Variants in DHDH observed in about 807,000 individuals in gnomAD.
DHDH encodes trans-1,2-dihydrobenzene-1,2-diol dehydrogenase.
DHDH carries 29 observed loss-of-function variants against 33.2 expected under a neutral mutation model. The observed-to-expected ratio is 0.87, with a 90% CI of 0.65 to 1.19. The LOEUF (loss-of-function observed/expected upper bound fraction) is 1.19, where lower values mean the gene tolerates loss of function less well. Ranked by LOEUF, DHDH falls within the 50% of genes most tolerant of loss-of-function variation. The pLI, the probability that DHDH is intolerant of heterozygous loss-of-function variation, is 0.00. For synonymous variants in DHDH, 201 were observed against 187.9 expected, an observed-to-expected ratio of 1.07 and a Z score of -0.57; for missense variants, 431 against 455.0, an observed-to-expected ratio of 0.95 and a Z score of 0.48.
chr19:48,938,136 C>T (rs556592487), intron 3 of DHDH, among the ~76,000 whole-genome samples: 10 of 152,122 alleles, frequency 6.6e-5, no homozygotes, highest in South Asian at 2.1e-4. Flanking sequence ...CTTGCTCTGT[C>T]GCCAGGCTGG....
chr19:48,942,391 A>T (rs1346359661), intron 4 of DHDH, 49 bp from the exon 5 acceptor site: 3 of 1,518,502 alleles, frequency 2.0e-6, no homozygotes, highest in Non-Finnish European at 2.7e-6. Context: ...GTGCAGTCTC[A>T]GAGACTCTGC....
chr19:48,933,671 T>G (rs2037732785), upstream of DHDH: 1 of 1,583,472 alleles, frequency 6.3e-7, no homozygotes, highest in Non-Finnish European at 8.7e-7. Context: ...CGTCAGGTAC[T>G]TAATTCGCGC....
chr19:48,936,290 G>A (rs2037774614), intron 3 of DHDH, 95 bp downstream of exon 3: 2 of 1,414,176 alleles, frequency 1.4e-6, no homozygotes, highest in Non-Finnish European at 1.9e-6. Flanking sequence ...CATTTGCCAG[G>A]ATGTATCTGA....
rs1266142429 is a variant in DHDH at position 48,933,813 on chromosome 19, T to G, written c.90+2T>G. 6.2e-7 allele frequency: 1 copy of G among 1,608,302 alleles called. No individual in the cohort carries two copies. The highest frequency in any genetic ancestry group is 1.3e-5 in the African/African-American group (1 of 74,914). On this transcript the variant is annotated splice_donor_variant, in intron 1 of 6. Coordinates refer to ENST00000221403, the MANE Select transcript of DHDH (RefSeq NM_014475.4). LOFTEE classifies it high-confidence loss of function. ...ACGCTGCCTCGCTCTGAGCACCAGGTCTGCCCGCCCTCCGGATTCTGGGGA... is the reference window on the plus strand; with the variant it reads ...ACGCTGCCTCGCTCTGAGCACCAGGGCTGCCCGCCCTCCGGATTCTGGGGA...
Position 48,939,589 on chromosome 19 carries a change from G to A in DHDH, c.507G>A (p.Gln169=). The A allele has an allele frequency of 6.2e-7, 1 of 1,607,734 alleles. No homozygotes were observed. Among genetic ancestry groups the A allele is most frequent in the Non-Finnish European group, 8.5e-7 (1 of 1,178,298 alleles). ...TTCCCCGGGCCGTAGACCGGGCCCA[G>A]GCTGGGGGGGCCCTGCTGGACATCG... The part of the protein sequence containing the change: ...IHVPRAVDRA[Q]AGGALLDIGI... The change falls in exon 4 of 7, where the codon CAG becomes CAA. Residue 169 remains glutamine, a synonymous_variant. Coordinates refer to ENST00000221403, the MANE Select transcript of DHDH (RefSeq NM_014475.4).
At chr19:48,937,262 C>T (rs1354985132) in intron 3 of DHDH, among the ~76,000 whole-genome samples, 12 of 152,194 alleles carry the variant, frequency 7.9e-5, no homozygotes, top group Admixed American at 5.2e-4. Flanking sequence ...TCCCCAGTGC[C>T]CTCAGGCCTG....
intron 2 of DHDH, 142 bp downstream of exon 2, chr19:48,935,253 A>C (rs972257401): frequency 8.1e-6 from 5 of 615,524 alleles, no homozygotes; most frequent in African/African-American, 1.9e-5. Context: ...GGAGAACTAT[A>C]AAACGGGCTT....
intron 3 of DHDH, 104 bp from the exon 4 acceptor site, chr19:48,939,345 A>T (rs1448170533): frequency 7.4e-7 from 1 of 1,358,264 alleles, no homozygotes; most frequent in African/African-American, 1.5e-5. Context: ...CTGGGGACTG[A>T]TGGGCTGTGT....
intron 3 of DHDH, among the ~76,000 whole-genome samples, chr19:48,936,470 G>A (rs992015116): frequency 6.6e-6 from 1 of 152,084 alleles, no homozygotes; most frequent in Non-Finnish European, 1.5e-5. Flanking sequence ...GCCGAGGCGG[G>A]CGGAGCACGG....
chr19:48,935,202 G>T, intron 2 of DHDH, 91 bp downstream of exon 2: 2 of 995,078 alleles, frequency 2.0e-6, no homozygotes, highest in Non-Finnish European at 2.8e-6. Flanking sequence ...TCCTCAGGAT[G>T]GTCCAATCCC....
chr19:48,944,374 G>A lies in DHDH; in HGVS notation c.762G>A (p.Trp254Ter), dbSNP rs760311108. 6.2e-7 allele frequency: 1 copy of A among 1,614,068 alleles called. No homozygotes were observed. Among genetic ancestry groups the A allele is most frequent in the Non-Finnish European group, 8.5e-7 (1 of 1,179,990 alleles). ...KGMVQLLNPCWCPTELVVKGE... is the reference protein window; with the variant it reads ...KGMVQLLNPC ...CCCTCCAGCTCCTCAACCCCTGCTG[G>A]TGCCCGACCGAGCTGGTGGTGAAGG... The change falls in exon 6 of 7, where the codon TGG (tryptophan) becomes TGA (stop). Residue 254 changes from tryptophan (W) to a stop codon, truncating the protein, a stop_gained. Coordinates refer to ENST00000221403, the MANE Select transcript of DHDH (RefSeq NM_014475.4). LOFTEE classifies it high-confidence loss of function.
rs1197258165 is a variant in DHDH, at chr19:48,944,223, G to A, written c.745-134G>A. On this transcript the variant is annotated intron_variant, in intron 5 of 6. Coordinates refer to ENST00000221403, the MANE Select transcript of DHDH (RefSeq NM_014475.4). ...AATGAAGGAGGGTCCAAAGCTCCCC[G>A]GGGATGGACAGGGCAAGCTCTTAGC... 29 of 1,194,846 alleles carry A rather than the reference G, an allele frequency of 2.4e-5. 1 individual carries two copies. In the South Asian group the frequency reaches 2.8e-4, roughly 12 times the overall value. 74.0% of individuals were successfully genotyped at this position (1,194,846 alleles called of 1,614,324 possible). A position where few individuals can be genotyped will look rare whatever the true frequency, so the allele number is the denominator to read the frequency against.
At chr19:48,942,620 C>G in intron 5 of DHDH, 56 bp downstream of exon 5, 1 of 1,576,412 alleles carries the variant, frequency 6.3e-7, no homozygotes, top group Non-Finnish European at 8.6e-7. Context: ...AGGAGGGGGA[C>G]AAATGGCCTC....
chr19:48,944,389 G>C lies in DHDH; in HGVS notation c.777G>C (p.Leu259=), dbSNP rs767589225. The change falls in exon 6 of 7, where the codon CTG becomes CTC. Residue 259 remains leucine (L), a synonymous_variant. Coordinates refer to ENST00000221403, the MANE Select transcript of DHDH (RefSeq NM_014475.4). Reference sequence around the variant, plus strand: ...ACCCCTGCTGGTGCCCGACCGAGCTGGTGGTGAAGGGGGAGCATAAGGAGT... The same window carrying C: ...ACCCCTGCTGGTGCCCGACCGAGCTCGTGGTGAAGGGGGAGCATAAGGAGT... The part of the protein sequence containing the change: ...LLNPCWCPTE[L]VVKGEHKEFP... 9 of 1,614,158 alleles carry C rather than the reference G, an allele frequency of 5.6e-6. No homozygotes were observed. Among genetic ancestry groups the C allele is most frequent in the Non-Finnish European group, 7.6e-6 (9 of 1,180,016 alleles).
chr19:48,939,719 A>G lies in DHDH; in HGVS notation c.619+18A>G, dbSNP rs1198257062. On this transcript the variant is annotated intron_variant, in intron 4 of 6. Transcript: ENST00000221403. ...TGAAACAGGTACCATCTATCCTGGA[A>G]TATTTCATGGTGATGGGAATGATTC... 2 of 1,574,558 alleles carry G rather than the reference A, an allele frequency of 1.3e-6. No individual in the cohort carries two copies. Among genetic ancestry groups the G allele is most frequent in the Non-Finnish European group, 1.7e-6 (2 of 1,156,530 alleles).
At chr19:48,942,670 T>C in intron 5 of DHDH, 106 bp downstream of exon 5, 1 of 1,478,888 alleles carries the variant, frequency 6.8e-7, no homozygotes, top group Non-Finnish European at 9.0e-7. Flanking sequence ...TTTCACATCA[T>C]TGCTAAAGAG....
At chr19:48,940,836 A>G (rs1342132677) in intron 4 of DHDH, among the ~76,000 whole-genome samples, 1 of 152,062 alleles carries the variant, frequency 6.6e-6, no homozygotes, top group African/African-American at 2.4e-5. Flanking sequence ...AGCCTGGGGA[A>G]CAGAGCCAGA....
At chr19:48,944,657 C>A in intron 6 of DHDH, 150 bp downstream of exon 6, 2 of 1,295,146 alleles carry the variant, frequency 1.5e-6, no homozygotes, top group South Asian at 1.4e-5. Context: ...GCCTGGGCAA[C>A]GGAACAAGAC....
chr19:48,935,922 T>C, intron 2 of DHDH, 110 bp from the exon 3 acceptor site: 1 of 1,388,488 alleles, frequency 7.2e-7, no homozygotes. Flanking sequence ...GACAGGGGTG[T>C]GACCGACCAC....
Sources: gnomAD v4.1 joint callset for allele counts (sites outside exome capture counted in the v4.1 genomes callset) on GRCh38, gnomAD v4.1.1 for gene constraint, MANE v1.5 for transcripts, NCBI Gene and HGNC (gene_info 2026-07-23, HGNC 2026-07-21) for gene names.